The following DIP2B variants were observed in gnomAD, a reference collection of about 807,000 sequenced individuals.
The protein encoded by DIP2B is disco-interacting protein 2 homolog B.
DIP2B carries 76 observed loss-of-function variants against 198.0 expected under a neutral mutation model. The observed-to-expected ratio is 0.38, with a 90% confidence interval of 0.32 to 0.46. The LOEUF (loss-of-function observed/expected upper bound fraction) is 0.46. Among genes scored for constraint, DIP2B ranks in the 20% least tolerant of loss-of-function variants. The pLI is 0.99. For missense variants in DIP2B, 1,559 were observed against 1,978.4 expected, an observed-to-expected ratio of 0.79 and a Z score of 4.02; for synonymous variants, 701 against 739.1, an observed-to-expected ratio of 0.95 and a Z score of 0.84.
chr12:50,651,920 C>T (rs1938460322), intron 3 of DIP2B, among the ~76,000 whole-genome samples: 1 of 152,116 alleles, frequency 6.6e-6, no homozygotes, highest in Non-Finnish European at 1.5e-5. Flanking sequence ...TGGCTCACGC[C>T]TGTAATCCCA....
chr12:50,511,647 T>A (rs191829256), intron 1 of DIP2B, among the ~76,000 whole-genome samples: 58 of 151,568 alleles, frequency 3.8e-4, no homozygotes, highest in Middle Eastern at 3.4e-3. Flanking sequence ...CTTAAAAAAA[T>A]TTTTTTTAAA....
In DIP2B at chr12:50,630,534, C is replaced by T. The variant is rs993929362; in HGVS notation, c.172+4487C>T. 1.1e-4 allele frequency among the ~76,000 whole-genome samples: 17 copies of T among 152,058 alleles called. 1 individual carries two copies. The East Asian group carries it at 3.3e-3, about 29-fold the overall frequency. ...CTTTCATGAGTAACTGTGTTTGTCC[C>T]TATGGTGTTTTTTTATCCTAAGGCT... On this transcript the variant is annotated intron_variant, in intron 2 of 37. Coordinates refer to ENST00000301180, the MANE Select transcript of DIP2B (RefSeq NM_173602.3).
chr12:50,706,576 A>G lies in DIP2B; in HGVS notation c.2445A>G (p.Leu815=). The change falls in exon 21 of 38, where the codon TTA becomes TTG. Residue 815 remains leucine (L), a synonymous_variant. Coordinates refer to ENST00000301180, the MANE Select transcript of DIP2B (RefSeq NM_173602.3). ...TCGTGGTTGGGAAAATGGATGGCTT[A>G]CTGATGGTTAGTGGTCGAAGACATA... The part of the protein sequence containing the change: ...LVFVVGKMDG[L]LMVSGRRHNA... 1 of 1,614,096 alleles carries G rather than the reference A, an allele frequency of 6.2e-7. No homozygotes were observed.
chr12:50,721,208 C>A, intron 25 of DIP2B, 65 bp from the exon 26 acceptor site: 1 of 1,566,474 alleles, frequency 6.4e-7, no homozygotes, highest in Non-Finnish European at 8.6e-7. Context: ...GTTGAATTGG[C>A]TGTGCTTATT....
intron 37 of DIP2B, among the ~76,000 whole-genome samples, chr12:50,742,177 C>T (rs1265464461): frequency 5.3e-5 from 8 of 151,924 alleles, no homozygotes; most frequent in South Asian, 2.1e-4. Context: ...GCGGGCGGAT[C>T]GCTTAAGCCC....
intron 16 of DIP2B, among the ~76,000 whole-genome samples, chr12:50,696,294 A>G (rs1939310658): frequency 6.6e-6 from 1 of 152,346 alleles, no homozygotes; most frequent in East Asian, 1.9e-4. Context: ...GTCATGCAGT[A>G]TGTGGTCTTT....
intron 4 of DIP2B, among the ~76,000 whole-genome samples, chr12:50,670,330 A>T (rs1486487874): frequency 1.3e-5 from 2 of 152,002 alleles, no homozygotes; most frequent in African/African-American, 2.4e-5. Flanking sequence ...TTTCCTACTA[A>T]GGCCATGAAT....
chr12:50,614,158 T>C (rs188301007), intron 1 of DIP2B, among the ~76,000 whole-genome samples: 2 of 152,348 alleles, frequency 1.3e-5, no homozygotes, highest in African/African-American at 4.8e-5. Flanking sequence ...CTTCCTTCAC[T>C]GTTCCTTTAA....
intron 3 of DIP2B, among the ~76,000 whole-genome samples, chr12:50,646,755 A>G (rs576132404): frequency 4.1e-4 from 63 of 152,160 alleles, no homozygotes; most frequent in Admixed American, 1.2e-3. Context: ...TACTCTAAGT[A>G]TGGATTCTTC....
chr12:50,667,670 A>G (rs1220443934), intron 4 of DIP2B, among the ~76,000 whole-genome samples: 6 of 152,176 alleles, frequency 3.9e-5, no homozygotes, highest in Non-Finnish European at 8.8e-5. Flanking sequence ...ATCATTTGGC[A>G]CAGTATTATT....
chr12:50,515,580 G>GA (rs1286589748), intron 1 of DIP2B, among the ~76,000 whole-genome samples: 1 of 152,124 alleles, frequency 6.6e-6, no homozygotes, highest in African/African-American at 2.4e-5. Context: ...AACCTTTGTG[G>GA]CATAGTTTCC....
chr12:50,658,433 G>A (rs1034372252), intron 3 of DIP2B, among the ~76,000 whole-genome samples: 8 of 152,058 alleles, frequency 5.3e-5, no homozygotes, highest in East Asian at 1.9e-4. Flanking sequence ...CATTGCACCC[G>A]GCCAATTTTT....
intron 4 of DIP2B, among the ~76,000 whole-genome samples, chr12:50,661,855 T>G (rs1422160438): frequency 6.6e-6 from 1 of 152,220 alleles, no homozygotes; most frequent in Admixed American, 6.5e-5. Context: ...ACATGCAGTT[T>G]CAGAGTAAAT....
At chr12:50,671,057 A>G (rs540191136) in intron 4 of DIP2B, 129 bp from the exon 5 acceptor site, 34 of 850,230 alleles carry the variant, frequency 4.0e-5, no homozygotes, top group East Asian at 5.3e-5. Flanking sequence ...GAAACTTTAC[A>G]TATTAATCTA....
chr12:50,603,734 AGACTC>A, intron 1 of DIP2B, among the ~76,000 whole-genome samples: 1 of 152,180 alleles, frequency 6.6e-6, no homozygotes, highest in Non-Finnish European at 1.5e-5. Flanking sequence ...GAAAAAAAAA[AGACTC>A]AAGTCATTTT....
chr12:50,600,647 G>A lies in DIP2B; in HGVS notation c.101-25329G>A, dbSNP rs148987398. 7.5e-3 allele frequency among the ~76,000 whole-genome samples: 1,134 copies of A among 152,202 alleles called. 5 individuals carry two copies. Among genetic ancestry groups the A allele is most frequent in the Middle Eastern group, 0.014 (4 of 294 alleles). ...GTGGCTTGTTTTTAGAATGGTTTCTGTAAAATCTGGGTGTTGGTACTTATT... is the reference window on the plus strand; with the variant it reads ...GTGGCTTGTTTTTAGAATGGTTTCTATAAAATCTGGGTGTTGGTACTTATT... On this transcript the variant is annotated intron_variant, in intron 1 of 37. Coordinates refer to ENST00000301180, the MANE Select transcript of DIP2B (RefSeq NM_173602.3).
intron 1 of DIP2B, among the ~76,000 whole-genome samples, chr12:50,604,218 A>T (rs1958962799): frequency 7.1e-6 from 1 of 141,684 alleles, no homozygotes; most frequent in Non-Finnish European, 1.5e-5. Flanking sequence ...TAATGTTCTT[A>T]AATATGATTG....
chr12:50,696,669 C>G (rs1939317723), intron 16 of DIP2B, among the ~76,000 whole-genome samples: 1 of 152,156 alleles, frequency 6.6e-6, no homozygotes, highest in Admixed American at 6.5e-5. Context: ...ATGGGCTTGA[C>G]CTTAATATCA....
intron 30 of DIP2B, among the ~76,000 whole-genome samples, chr12:50,729,187 A>G (rs1369067651): frequency 6.6e-6 from 1 of 152,148 alleles, no homozygotes; most frequent in Non-Finnish European, 1.5e-5. Flanking sequence ...CTTGGTGTAC[A>G]TCATGAATGC....
Sources: gnomAD v4.1 joint callset for allele counts (sites outside exome capture counted in the v4.1 genomes callset) on GRCh38, gnomAD v4.1.1 for gene constraint, MANE v1.5 for transcripts, NCBI Gene and HGNC (gene_info 2026-07-23, HGNC 2026-07-21) for gene names.